VDAC1: variants seen among roughly 807,000 people sequenced by gnomAD.
The protein encoded by VDAC1 is voltage dependent anion channel 1, also known as non-selective voltage-gated ion channel VDAC1.
A neutral mutation model predicts 34.7 loss-of-function variants in VDAC1; 10 were observed. The ratio of observed to expected loss-of-function variants is 0.29; its 90% CI spans 0.18 to 0.49. The LOEUF (loss-of-function observed/expected upper bound fraction) is 0.49. VDAC1 is among the 20% of genes least tolerant of loss of function. The pLI is 0.99. For missense variants in VDAC1, 230 were observed against 347.9 expected (o/e 0.66, Z 2.69); for synonymous variants, 130 against 136.0 (o/e 0.96, Z 0.30).
the VDAC1 span, among the ~76,000 whole-genome samples, chr5:134,015,187 C>A: frequency 9.6e-4 from 145 of 151,348 alleles, 2 homozygotes; most frequent in East Asian, 0.025. Flanking sequence ...AATATGGGAA[C>A]AATAGACACT....
At chr5:134,022,521 G>A in the VDAC1 span, among the ~76,000 whole-genome samples, 2 of 152,136 alleles carry the variant, frequency 1.3e-5, no homozygotes, top group African/African-American at 4.8e-5. Flanking sequence ...ACAAGATAAT[G>A]GCATTAATCC....
At chr5:134,013,099 G>A in the VDAC1 span, among the ~76,000 whole-genome samples, 2 of 152,134 alleles carry the variant, frequency 1.3e-5, no homozygotes, top group Non-Finnish European at 2.9e-5. Flanking sequence ...AACTCAAGAC[G>A]GATTAAAGAC....
the VDAC1 span, among the ~76,000 whole-genome samples, chr5:134,076,059 A>C: frequency 1.3e-5 from 2 of 151,774 alleles, no homozygotes; most frequent in African/African-American, 4.8e-5. Context: ...TGCTAACTGC[A>C]ACCTCTGCCT....
chr5:134,049,335 C>T, the VDAC1 span, among the ~76,000 whole-genome samples: 10 of 152,194 alleles, frequency 6.6e-5, no homozygotes, highest in African/African-American at 9.7e-5. Context: ...CTCAAGCAAT[C>T]GTCCTACCTC....
chr5:134,065,439 C>T, the VDAC1 span, among the ~76,000 whole-genome samples: 321 of 146,872 alleles, frequency 2.2e-3, 6 homozygotes, highest in Admixed American at 0.018. Context: ...CTCCTGGGTT[C>T]AAGTAATTCT....
At chr5:134,021,978 C>G in the VDAC1 span, among the ~76,000 whole-genome samples, 1 of 151,072 alleles carries the variant, frequency 6.6e-6, no homozygotes, top group African/African-American at 2.4e-5. Context: ...CCCGGCTTCT[C>G]CAAGCGATTC....
At chr5:133,995,412 G>A (rs534339501) in intron 1 of VDAC1, among the ~76,000 whole-genome samples, 137 of 152,118 alleles carry the variant, frequency 9.0e-4, no homozygotes, top group Non-Finnish European at 1.4e-3. Context: ...CCATCTCCTT[G>A]AACACCGACA....
the VDAC1 span, among the ~76,000 whole-genome samples, chr5:134,043,276 C>T: frequency 3.3e-5 from 5 of 152,218 alleles, no homozygotes; most frequent in African/African-American, 1.2e-4. Flanking sequence ...TGCCCAGTCT[C>T]ATGTGAGCTT....
chr5:134,064,573 G>A, the VDAC1 span, among the ~76,000 whole-genome samples: 2 of 152,086 alleles, frequency 1.3e-5, no homozygotes, highest in African/African-American at 4.8e-5. Flanking sequence ...CAAAGTGCTG[G>A]GATTACAAGT....
At chr5:134,081,114 T>C in the VDAC1 span, among the ~76,000 whole-genome samples, 1 of 151,950 alleles carries the variant, frequency 6.6e-6, no homozygotes, top group Non-Finnish European at 1.5e-5. Context: ...CTCAGCTTAC[T>C]GCAACCTCTG....
intron 1 of VDAC1, among the ~76,000 whole-genome samples, chr5:133,998,714 G>A (rs760755461): frequency 9.2e-5 from 14 of 152,220 alleles, no homozygotes; most frequent in Non-Finnish European, 1.8e-4. Flanking sequence ...GGCAAGGTCC[G>A]TCGGGGCACA....
In VDAC1 at chr5:134,003,297, G is replaced by T. The variant is rs551787985; in HGVS notation, c.-7+1598C>A. 1.0e-3 allele frequency among the ~76,000 whole-genome samples: 158 copies of T among 152,190 alleles called. 4 individuals carry two copies. The highest frequency in any genetic ancestry group is 4.4e-4 in the Non-Finnish European group (30 of 68,040). On this transcript the variant is annotated intron_variant, in intron 1 of 8. Transcript: ENST00000265333. ...AATGAAGGCTGGCCCTCGGTAGTCT[G>T]CTCTGGCCTTCTCCTGCCTCAGTGG...
At chr5:134,070,403 C>G in the VDAC1 span, among the ~76,000 whole-genome samples, 1 of 152,164 alleles carries the variant, frequency 6.6e-6, no homozygotes, top group Non-Finnish European at 1.5e-5. Context: ...ATCTCGGCCT[C>G]CCAAAGCGCT....
At chr5:134,053,050 G>A in the VDAC1 span, among the ~76,000 whole-genome samples, 5 of 152,176 alleles carry the variant, frequency 3.3e-5, no homozygotes, top group Non-Finnish European at 7.4e-5. Context: ...AGGAGGTGGA[G>A]GTTGCGGTGA....
the VDAC1 span, among the ~76,000 whole-genome samples, chr5:134,102,971 G>A: frequency 5.5e-4 from 83 of 152,180 alleles, no homozygotes; most frequent in Middle Eastern, 3.4e-3. Context: ...GGACAGGGAG[G>A]ACCAAACCTC....
the VDAC1 span, among the ~76,000 whole-genome samples, chr5:134,098,671 C>T: frequency 1.3e-5 from 2 of 152,224 alleles, no homozygotes; most frequent in African/African-American, 2.4e-5. Flanking sequence ...GGCCTCTAGG[C>T]CTTCTGCATG....
the VDAC1 span, among the ~76,000 whole-genome samples, chr5:134,012,431 G>A: frequency 6.6e-6 from 1 of 152,186 alleles, no homozygotes; most frequent in Non-Finnish European, 1.5e-5. Context: ...GCTATAGTAT[G>A]AATGTTTACT....
intron 5 of VDAC1, 90 bp from the exon 6 acceptor site, chr5:133,981,046 A>T: frequency 8.6e-7 from 1 of 1,156,536 alleles, no homozygotes; most frequent in Non-Finnish European, 1.2e-6. Context: ...CAGGTCAAAT[A>T]AAGGGAGTGG....
At position 133,980,888 on chromosome 5, in the gene VDAC1, A is replaced by T. The variant is rs1049656080; in HGVS notation, c.392T>A (p.Phe131Tyr). 1.2e-6 allele frequency: 2 copies of T among 1,614,038 alleles called. No individual in the cohort carries two copies. The highest frequency in any genetic ancestry group is 3.3e-5 in the Admixed American group (2 of 59,996). ...CCGGATGGAAGGCCCAGCAATGTCG[A>T]AATCCATGTCGCAGCCCAGGTTAAT... The part of the protein sequence containing the change: ...EHINLGCDMD[F>Y]DIAGPSIRGA... The change falls in exon 6 of 9, where the codon TTC becomes TAC. Residue 131 changes from phenylalanine to tyrosine, a missense_variant. Coordinates refer to ENST00000265333, the MANE Select transcript of VDAC1 (RefSeq NM_003374.3).
Sources: allele counts gnomAD v4.1 joint callset (sites outside exome capture counted in the v4.1 genomes callset), GRCh38; gene constraint gnomAD v4.1.1; transcripts MANE v1.5; gene names NCBI Gene and HGNC (gene_info 2026-07-23, HGNC 2026-07-21).